The following DNAJB2 variants were observed in gnomAD, a reference collection of about 807,000 sequenced individuals.
DNAJB2 encodes DnaJ heat shock protein family (Hsp40) member B2, also known as dnaJ homolog subfamily B member 2.
In DNAJB2, 19 loss-of-function variants were observed where a neutral mutation model predicts 33.3. That is an observed-to-expected ratio of 0.57 (90% confidence interval 0.40 to 0.84). The LOEUF is 0.84. Ranked by LOEUF, DNAJB2 falls within the 40% of genes least tolerant of loss-of-function variation. The probability of loss-of-function intolerance (pLI) is 0.00; values close to 1 mark genes in which losing one functional copy is unlikely to be tolerated. For missense variants in DNAJB2, 368 were observed against 430.9 expected (o/e 0.85, Z 1.29); for synonymous variants, 172 against 164.6 (o/e 1.04, Z -0.34).
intron 3 of DNAJB2, chr2:219,280,979 G>C: frequency 2.5e-6 from 1 of 402,800 alleles, no homozygotes; most frequent in Non-Finnish European, 4.5e-6. Context: ...TCTCACAGCC[G>C]TCCTATGAGG....
In DNAJB2 at chr2:219,279,781, C is replaced by T; in HGVS notation, c.-36-17C>T. ...GGGGCTCTTGGTTCTTTCCGCCTGA[C>T]TCCTTCTCTTCTGCAGCCCCAAGGA... On this transcript the variant is annotated splice_polypyrimidine_tract_variant and intron_variant, in intron 1 of 8. Transcript: ENST00000336576. The surrounding 1 kb of genome is among the most constrained non-coding windows in gnomAD (Gnocchi z 4.9). The T allele has an allele frequency of 6.2e-7, 1 of 1,604,684 alleles. No homozygotes were observed.
In DNAJB2 at chr2:219,285,752, C is replaced by A; in HGVS notation, c.*765C>A. On this transcript the variant is annotated 3_prime_UTR_variant, in exon 9 of 9. Coordinates refer to ENST00000336576, the MANE Select transcript of DNAJB2 (RefSeq NM_006736.6). ...TCCTCCCTCTCGTTGCCTCAGCCTG[C>A]CCTCACCCTCAGGACTAGGCAGAGG... The A allele has an allele frequency of 7.7e-7, 1 of 1,297,738 alleles. No homozygotes were observed. The highest frequency in any genetic ancestry group is 9.8e-7 in the Non-Finnish European group (1 of 1,017,926). The allele number at this position is 1,297,738 out of a possible 1,614,324, so 80.4% of individuals were successfully genotyped here. A position where few individuals can be genotyped will look rare whatever the true frequency, so the allele number is the denominator to read the frequency against.
At position 219,281,775 on chromosome 2, in the gene DNAJB2, G is replaced by A. The variant is rs377310796; in HGVS notation, c.229+4G>A. 1 of 1,614,090 alleles carries A rather than the reference G, an allele frequency of 6.2e-7. No homozygotes were observed. The highest frequency in any genetic ancestry group is 8.5e-7 in the Non-Finnish European group (1 of 1,180,040). ...CGGGAAGGGCTGACAGGGACAGGTA[G>A]GTGGAGTGGTGAGGCCCAGGAATGG... On this transcript the variant is annotated splice_donor_region_variant and intron_variant, in intron 4 of 8. Transcript: ENST00000336576.
At position 219,285,517 on chromosome 2, in the gene DNAJB2, C is replaced by T. The variant is rs1951947248; in HGVS notation, c.*530C>T. On this transcript the variant is annotated 3_prime_UTR_variant, in exon 9 of 9. Coordinates refer to ENST00000336576, the MANE Select transcript of DNAJB2 (RefSeq NM_006736.6). ...TTCTCTTCTGGTGTTGCTTCTCCTCCCTCCCATTCTCTCTGCAACTCCCTG... is the reference window on the plus strand; with the variant it reads ...TTCTCTTCTGGTGTTGCTTCTCCTCTCTCCCATTCTCTCTGCAACTCCCTG... 1 of 1,011,776 alleles carries T rather than the reference C, an allele frequency of 9.9e-7. No homozygotes were observed. Among genetic ancestry groups the T allele is most frequent in the Non-Finnish European group, 1.2e-6 (1 of 846,882 alleles). 62.7% of individuals were successfully genotyped at this position (1,011,776 alleles called of 1,614,324 possible).
rs1951909833 is a variant in DNAJB2 at position 219,282,036 on chromosome 2, T to C, written c.327T>C (p.Ser109=). ...PEEVFREFFG[S]GDPFAELFDD... ...AGGTCTTCCGGGAATTCTTTGGGAG[T>C]GGAGACCCTTTTGCAGAGCTCTTTG... Residue 109 remains serine, a synonymous_variant, in exon 5 of 9, where the codon AGT becomes AGC. Coordinates refer to ENST00000336576, the MANE Select transcript of DNAJB2 (RefSeq NM_006736.6). The C allele has an allele frequency of 6.2e-7, 1 of 1,613,832 alleles. No individual in the cohort carries two copies. Among genetic ancestry groups the C allele is most frequent in the South Asian group, 1.1e-5 (1 of 91,062 alleles).
In DNAJB2 at chr2:219,279,978, A is replaced by G; in HGVS notation, c.65+80A>G. On this transcript the variant is annotated intron_variant, in intron 2 of 8. Transcript: ENST00000336576. This position sits in a 1 kb window ranked among gnomAD's most constrained non-coding sequence, Gnocchi z 4.9. ...TGGGGCACTTCAGAGTGACACCTGTAGGTGTCTGAGGGAACCAGGTCGTTA... is the reference window on the plus strand; with the variant it reads ...TGGGGCACTTCAGAGTGACACCTGTGGGTGTCTGAGGGAACCAGGTCGTTA... The G allele has an allele frequency of 6.6e-7, 1 of 1,514,108 alleles. No individual in the cohort carries two copies. The highest frequency in any genetic ancestry group is 9.1e-7 in the Non-Finnish European group (1 of 1,098,052). 93.8% of individuals were successfully genotyped at this position (1,514,108 alleles called of 1,614,324 possible). A position where few individuals can be genotyped will look rare whatever the true frequency, so the allele number is the denominator to read the frequency against.
At position 219,280,209 on chromosome 2, in the gene DNAJB2, A is replaced by G. The variant is rs1227267474; in HGVS notation, c.65+311A>G. 1.2e-5 allele frequency: 6 copies of G among 506,252 alleles called. No individual in the cohort carries two copies. The Middle Eastern group carries it at 1.9e-3, about 158-fold the overall frequency. The allele number at this position is 506,252 out of a possible 1,614,324, so 31.4% of individuals were successfully genotyped here. ...CTCCCCCTTCCCCCTAGATTTGGGC[A>G]TTCTCAGGCTGCAGTGCAAAGATGC... On this transcript the variant is annotated intron_variant, in intron 2 of 8. Coordinates refer to ENST00000336576, the MANE Select transcript of DNAJB2 (RefSeq NM_006736.6).
chr2:219,282,953 T>C (rs778944237), intron 6 of DNAJB2, 24 bp downstream of exon 6: 10 of 1,570,120 alleles, frequency 6.4e-6, no homozygotes, highest in South Asian at 4.7e-5. Flanking sequence ...CTTCCCACGT[T>C]TGCAAGCTCC....
At position 219,285,650 on chromosome 2, in the gene DNAJB2, G is replaced by A; in HGVS notation, c.*663G>A. 1 of 1,147,712 alleles carries A rather than the reference G, an allele frequency of 8.7e-7. No homozygotes were observed. Among genetic ancestry groups the A allele is most frequent in the Non-Finnish European group, 1.1e-6 (1 of 931,760 alleles). The allele number at this position is 1,147,712 out of a possible 1,614,324, so 71.1% of individuals were successfully genotyped here. A position where few individuals can be genotyped will look rare whatever the true frequency, so the allele number is the denominator to read the frequency against. ...GGAAGATGCTGGGGCCGGTAGGGCT[G>A]TGAGATCTTCTGGGGAGGCTAGCCG... On this transcript the variant is annotated 3_prime_UTR_variant, in exon 9 of 9. Transcript: ENST00000336576.
rs987268198 is a variant in DNAJB2, at chr2:219,285,702, C to T, written c.*715C>T. 1.6e-6 allele frequency: 2 copies of T among 1,214,652 alleles called. No individual in the cohort carries two copies. Among genetic ancestry groups the T allele is most frequent in the African/African-American group, 3.1e-5 (2 of 64,840 alleles). 75.2% of individuals were successfully genotyped at this position (1,214,652 alleles called of 1,614,324 possible). On this transcript the variant is annotated 3_prime_UTR_variant, in exon 9 of 9. Coordinates refer to ENST00000336576, the MANE Select transcript of DNAJB2 (RefSeq NM_006736.6). ...GTGGGGCGGGAGCCTCTCAGCTGTC[C>T]AGATTCAGAACTGGAGCCCACTCCT...
chr2:219,279,736 G>A lies in DNAJB2; in HGVS notation c.-36-62G>A. ...GCGCCTTCCGCCACCCGGGGAGGGGGACTGCTGCAGCCACAGGGTGGGGCT... is the reference window on the plus strand; with the variant it reads ...GCGCCTTCCGCCACCCGGGGAGGGGAACTGCTGCAGCCACAGGGTGGGGCT... On this transcript the variant is annotated intron_variant, in intron 1 of 8. Coordinates refer to ENST00000336576, the MANE Select transcript of DNAJB2 (RefSeq NM_006736.6). The surrounding 1 kb of genome is among the most constrained non-coding windows in gnomAD (Gnocchi z 4.9). 7.2e-7 allele frequency: 1 copy of A among 1,386,482 alleles called. No homozygotes were observed. The allele number at this position is 1,386,482 out of a possible 1,614,324, so 85.9% of individuals were successfully genotyped here.
chr2:219,284,210 G>A lies in DNAJB2; in HGVS notation c.620-422G>A, dbSNP rs2125083488. Among the ~76,000 whole-genome samples, 2 of 152,244 alleles carry A rather than the reference G, an allele frequency of 1.3e-5. 1 individual carries two copies. The highest frequency in any genetic ancestry group is 4.1e-4 in the South Asian group (2 of 4,830). ...TCCTCCCACTTCAGCCCCCTGTGTA[G>A]CTGGGACTACAGGCGTGTGCTACCA... On this transcript the variant is annotated intron_variant, in intron 8 of 8. Transcript: ENST00000336576.
Position 219,284,779 on chromosome 2 carries a change from A to T in DNAJB2, c.767A>T (p.Gln256Leu), listed in dbSNP as rs776440656. The T allele has an allele frequency of 7.4e-6, 12 of 1,613,262 alleles. No homozygotes were observed. The Admixed American group carries it at 1.0e-4, about 13-fold the overall frequency. ...GACCTCTCTGAGGATGAGGACCTGCAGCTGGCCATGGCCTACAGCCTGTCA... is the reference window on the plus strand; with the variant it reads ...GACCTCTCTGAGGATGAGGACCTGCTGCTGGCCATGGCCTACAGCCTGTCA... ...DSDLSEDEDLQLAMAYSLSEM... is the reference protein window; with the variant it reads ...DSDLSEDEDLLLAMAYSLSEM... Residue 256 changes from glutamine to leucine, a missense_variant, in exon 9 of 9, where the codon CAG becomes CTG. Physicochemically the swap from Gln to Leu is moderately radical, Grantham distance 113 (BLOSUM62 -2). Coordinates refer to ENST00000336576, the MANE Select transcript of DNAJB2 (RefSeq NM_006736.6).
Position 219,283,263 on chromosome 2 carries a change from G to A in DNAJB2, c.548+28G>A. Reference sequence around the variant, plus strand: ...GAGAGCTCCTTCTGGGGCCATAGAGGGGTGAGAGGTCTGCTGGGGAGCTGT... The same window carrying A: ...GAGAGCTCCTTCTGGGGCCATAGAGAGGTGAGAGGTCTGCTGGGGAGCTGT... On this transcript the variant is annotated intron_variant, in intron 7 of 8. Transcript: ENST00000336576. 2.5e-6 allele frequency: 4 copies of A among 1,613,660 alleles called. No homozygotes were observed. In the South Asian group the frequency reaches 4.4e-5, roughly 18 times the overall value.
intron 5 of DNAJB2, 195 bp downstream of exon 5, chr2:219,282,256 C>A: frequency 1.4e-6 from 1 of 696,548 alleles, no homozygotes; most frequent in Non-Finnish European, 2.4e-6. Flanking sequence ...CCAACAGTGA[C>A]ACTTCACAGA....
chr2:219,282,418 T>G, intron 5 of DNAJB2: 1 of 358,920 alleles, frequency 2.8e-6, no homozygotes. Context: ...TGCCAAATAT[T>G]TTACATTTCG....
chr2:219,280,763 T>C (rs1951897717), intron 3 of DNAJB2, 76 bp downstream of exon 3: 3 of 1,089,560 alleles, frequency 2.8e-6, no homozygotes, highest in East Asian at 4.9e-5. Flanking sequence ...CTTAAAGCAA[T>C]GTCTCTGCCA....
intron 5 of DNAJB2, 163 bp downstream of exon 5, chr2:219,282,224 C>G (rs768305677): frequency 9.4e-7 from 1 of 1,064,538 alleles, no homozygotes; most frequent in Non-Finnish European, 1.4e-6. Context: ...CAGAACCTCA[C>G]GTGTGCCAGA....
chr2:219,281,732 A>T lies in DNAJB2; in HGVS notation c.190A>T (p.Ile64Phe). Residue 64 changes from isoleucine to phenylalanine, a missense_variant, in exon 4 of 9, where the codon ATT becomes TTT. Ile to Phe is a conservative substitution (Grantham distance 21, BLOSUM62 0). Transcript: ENST00000336576. ...EVLSDKHKRE[I>F]YDRYGREGLT... ...TCTTTTTGCAGAGCACAAGCGGGAG[A>T]TTTACGACCGCTATGGCCGGGAAGG... The T allele has an allele frequency of 6.2e-7, 1 of 1,613,904 alleles. No individual in the cohort carries two copies. The highest frequency in any genetic ancestry group is 1.1e-5 in the South Asian group (1 of 91,070).
Sources: gnomAD v4.1 joint callset for allele counts (sites outside exome capture counted in the v4.1 genomes callset) on GRCh38, gnomAD v4.1.1 for gene constraint, Gnocchi (gnomAD v3.1) non-coding constraint, MANE v1.5 for transcripts, NCBI Gene and HGNC (gene_info 2026-07-23, HGNC 2026-07-21) for gene names.